The following EPHA3 variants were observed in gnomAD, a reference collection of about 807,000 sequenced individuals.
EPHA3 encodes EPH receptor A3.
Under a neutral mutation model 107.1 loss-of-function variants are expected in EPHA3, and 42 were observed. The ratio of observed to expected loss-of-function variants is 0.39; its 90% CI spans 0.31 to 0.51. The LOEUF is 0.51. Among genes scored for constraint, EPHA3 ranks in the 20% least tolerant of loss-of-function variants. EPHA3 has a pLI of 0.78. For missense variants in EPHA3, 1,183 were observed against 1,211.2 expected, an observed-to-expected ratio of 0.98 and a Z score of 0.35; for synonymous variants, 461 against 424.8, an observed-to-expected ratio of 1.09 and a Z score of -1.05.
At chr3:89,167,661 G>C (rs1409765265) in intron 2 of EPHA3, among the ~76,000 whole-genome samples, 1 of 152,080 alleles carries the variant, frequency 6.6e-6, no homozygotes, top group Non-Finnish European at 1.5e-5. Flanking sequence ...ACTTTCTGAG[G>C]AGCAGCAGAA....
intron 1 of EPHA3, among the ~76,000 whole-genome samples, chr3:89,111,772 T>C (rs1001169660): frequency 1.2e-4 from 19 of 152,100 alleles, no homozygotes; most frequent in Non-Finnish European, 2.2e-4. Flanking sequence ...TAAAGACTAG[T>C]ATCTATAATA....
At chr3:89,262,321 A>G (rs984560508) in intron 3 of EPHA3, among the ~76,000 whole-genome samples, 5 of 152,212 alleles carry the variant, frequency 3.3e-5, no homozygotes, top group African/African-American at 1.2e-4. Flanking sequence ...TCTGGAGGCT[A>G]GAAGTCTGGA....
chr3:89,259,662 A>G (rs1705369806), intron 3 of EPHA3, among the ~76,000 whole-genome samples: 1 of 152,204 alleles, frequency 6.6e-6, no homozygotes, highest in Non-Finnish European at 1.5e-5. Context: ...CTGTCATCTC[A>G]CTTAGTTACA....
At chr3:89,225,135 G>T (rs1704473816) in intron 3 of EPHA3, among the ~76,000 whole-genome samples, 1 of 152,086 alleles carries the variant, frequency 6.6e-6, no homozygotes, top group Admixed American at 6.6e-5. Context: ...CTAAAGACGT[G>T]AAGGTAGTAA....
At chr3:89,367,087 A>G (rs933071398) in intron 5 of EPHA3, among the ~76,000 whole-genome samples, 4 of 150,628 alleles carry the variant, frequency 2.7e-5, no homozygotes, top group African/African-American at 9.7e-5. Flanking sequence ...TCTGTTTTAC[A>G]AAGTACCTTA....
intron 5 of EPHA3, among the ~76,000 whole-genome samples, chr3:89,355,826 A>AT (rs995947226): frequency 2.7e-5 from 4 of 147,904 alleles, no homozygotes; most frequent in Non-Finnish European, 4.5e-5. Flanking sequence ...AAATATATAT[A>AT]TATTTTTTAT....
chr3:89,131,582 T>C (rs373471702), intron 2 of EPHA3, among the ~76,000 whole-genome samples: 6 of 152,146 alleles, frequency 3.9e-5, no homozygotes, highest in East Asian at 1.9e-4. Context: ...TAGTATAGTA[T>C]TGATATTGTG....
intron 15 of EPHA3, among the ~76,000 whole-genome samples, chr3:89,468,080 A>G (rs1284416974): frequency 6.6e-6 from 1 of 152,160 alleles, no homozygotes; most frequent in East Asian, 1.9e-4. Flanking sequence ...AAGAGACATC[A>G]CAGGCTCTTC....
At chr3:89,280,258 T>C (rs1705909150) in intron 3 of EPHA3, among the ~76,000 whole-genome samples, 1 of 152,176 alleles carries the variant, frequency 6.6e-6, no homozygotes, top group African/African-American at 2.4e-5. Context: ...TGAGTGGAAG[T>C]TGGATGGACT....
chr3:89,125,140 A>G lies in EPHA3; in HGVS notation c.89-2069A>G, dbSNP rs13060877. On this transcript the variant is annotated intron_variant, in intron 1 of 16. Transcript: ENST00000336596. ...GATTAAACTAGTGATTGATCTTAAC[A>G]TGTGGAGTAACATATAATTATCATT... 4.1e-3 allele frequency among the ~76,000 whole-genome samples: 619 copies of G among 151,960 alleles called. 5 individuals carry two copies. The highest frequency in any genetic ancestry group is 0.034 in the South Asian group (162 of 4,824).
intron 3 of EPHA3, among the ~76,000 whole-genome samples, chr3:89,269,448 A>G (rs767900390): frequency 6.6e-6 from 1 of 151,942 alleles, no homozygotes; most frequent in East Asian, 1.9e-4. Flanking sequence ...ATAATTTATT[A>G]TTATTATTGT....
intron 3 of EPHA3, among the ~76,000 whole-genome samples, chr3:89,303,452 A>C (rs1706537849): frequency 6.6e-6 from 1 of 150,830 alleles, no homozygotes; most frequent in South Asian, 2.1e-4. Flanking sequence ...AGGCAAAAAA[A>C]AAAAAGAAGA....
chr3:89,373,446 A>C (rs920516808), intron 5 of EPHA3, among the ~76,000 whole-genome samples: 1 of 151,890 alleles, frequency 6.6e-6, no homozygotes, highest in Non-Finnish European at 1.5e-5. Context: ...ACCTCACAAA[A>C]CAAAACCCTG....
intron 2 of EPHA3, among the ~76,000 whole-genome samples, chr3:89,176,095 G>T (rs1269490949): frequency 6.6e-6 from 1 of 151,990 alleles, no homozygotes; most frequent in Non-Finnish European, 1.5e-5. Context: ...CTCATTTTGT[G>T]ATACACATCT....
chr3:89,270,120 T>G (rs1705632907), intron 3 of EPHA3, among the ~76,000 whole-genome samples: 1 of 152,008 alleles, frequency 6.6e-6, no homozygotes, highest in Non-Finnish European at 1.5e-5. Flanking sequence ...AACTCAATTT[T>G]ATTATTTATA....
intron 3 of EPHA3, among the ~76,000 whole-genome samples, chr3:89,340,243 T>A (rs1291219548): frequency 1.3e-5 from 2 of 152,200 alleles, no homozygotes; most frequent in Non-Finnish European, 2.9e-5. Context: ...AGAGCTCTCA[T>A]CTAGTAACAG....
intron 5 of EPHA3, among the ~76,000 whole-genome samples, chr3:89,384,198 G>A (rs1708568264): frequency 6.6e-6 from 1 of 151,902 alleles, no homozygotes; most frequent in African/African-American, 2.4e-5. Context: ...TAGTTTTAAA[G>A]TTTCTACTTT....
intron 2 of EPHA3, among the ~76,000 whole-genome samples, chr3:89,131,353 T>G (rs1559745131): frequency 6.6e-6 from 1 of 152,184 alleles, no homozygotes; most frequent in African/African-American, 2.4e-5. Flanking sequence ...TGGAGAACAA[T>G]CAACACATAT....
chr3:89,421,968 T>A (rs1429746725), intron 11 of EPHA3, among the ~76,000 whole-genome samples: 3 of 150,912 alleles, frequency 2.0e-5, no homozygotes, highest in Non-Finnish European at 4.4e-5. Flanking sequence ...AGGGTGAGAG[T>A]TCTAAATTTG....
Sources: allele counts gnomAD v4.1 joint callset (sites outside exome capture counted in the v4.1 genomes callset), GRCh38; gene constraint gnomAD v4.1.1; transcripts MANE v1.5; gene names NCBI Gene and HGNC (gene_info 2026-07-23, HGNC 2026-07-21).